PEX39: variants seen among roughly 807,000 people sequenced by gnomAD.
PEX39 encodes the protein peroxin-39.
At chr6:42,890,777 G>A in the PEX39 span, 2 of 1,589,730 alleles carry the variant, frequency 1.3e-6, no homozygotes, top group Non-Finnish European at 1.7e-6. Context: ...GGGGACTGCG[G>A]GGACGCTCCA....
chr6:42,890,798 C>G, the PEX39 span: 1 of 1,559,118 alleles, frequency 6.4e-7, no homozygotes. Flanking sequence ...TGTCGGGTCG[C>G]GAATCCTGAC....
chr6:42,890,407 A>C, the PEX39 span: 1 of 1,399,788 alleles, frequency 7.1e-7, no homozygotes, highest in East Asian at 2.5e-5. Flanking sequence ...CGAAAGCATA[A>C]AAGATGAGTA....
the PEX39 span, chr6:42,890,385 G>T: frequency 8.3e-7 from 1 of 1,209,698 alleles, no homozygotes; most frequent in Non-Finnish European, 1.1e-6. Context: ...GTCTAGTTGA[G>T]ACAGGTCAGG....
the PEX39 span, chr6:42,890,599 C>T: frequency 4.3e-6 from 7 of 1,611,758 alleles, no homozygotes; most frequent in Middle Eastern, 6.6e-4. Context: ...GCCAAAGCCG[C>T]GGCCTCCCAG....
At chr6:42,890,636 C>T in the PEX39 span, 47 of 1,612,720 alleles carry the variant, frequency 2.9e-5, no homozygotes, top group Non-Finnish European at 3.8e-5. Context: ...GCAGCCGGGA[C>T]GCTGTGGGTT....
At chr6:42,890,792 G>A in the PEX39 span, 2 of 1,565,488 alleles carry the variant, frequency 1.3e-6, no homozygotes, top group South Asian at 1.2e-5. Flanking sequence ...GCTCCATGTC[G>A]GGTCGCGAAT....
the PEX39 span, chr6:42,890,734 C>T: frequency 6.2e-7 from 1 of 1,609,222 alleles, no homozygotes; most frequent in Non-Finnish European, 8.5e-7. Flanking sequence ...GCCAGGGTAA[C>T]CGAAGCTGAG....
At chr6:42,890,542 C>T in the PEX39 span, 1 of 1,585,598 alleles carries the variant, frequency 6.3e-7, no homozygotes, top group African/African-American at 1.3e-5. Context: ...AAGCCAGGCT[C>T]CGCCGGGGCC....
At chr6:42,890,691 TC>T in the PEX39 span, 5 of 1,612,550 alleles carry the variant, frequency 3.1e-6, no homozygotes, top group Non-Finnish European at 4.2e-6. Context: ...GCCCGGGAGT[TC>T]CTGGCCCTGC....
At chr6:42,890,270 T>C in the PEX39 span, 1 of 411,802 alleles carries the variant, frequency 2.4e-6, no homozygotes, top group African/African-American at 2.0e-5. Flanking sequence ...CCAAGTTACA[T>C]CATAAAACAT....
the PEX39 span, chr6:42,890,416 T>G: frequency 7.0e-7 from 1 of 1,428,954 alleles, no homozygotes; most frequent in Non-Finnish European, 9.3e-7. Context: ...AAAAGATGAG[T>G]AACTGAATGG....
At chr6:42,890,402 G>A in the PEX39 span, 3 of 1,361,684 alleles carry the variant, frequency 2.2e-6, no homozygotes, top group Non-Finnish European at 2.9e-6. Context: ...CAGGACGAAA[G>A]CATAAAAGAT....
the PEX39 span, chr6:42,890,616 G>A: frequency 1.2e-6 from 2 of 1,612,480 alleles, no homozygotes; most frequent in East Asian, 2.2e-5. Flanking sequence ...CCAGGGCTTG[G>A]GCCTCCGCGG....
the PEX39 span, chr6:42,890,323 A>G: frequency 1.8e-6 from 1 of 565,658 alleles, no homozygotes; most frequent in Non-Finnish European, 2.9e-6. Flanking sequence ...TCTTAACTGT[A>G]ACATGGTCCA....
chr6:42,890,759 CGAGCATTGG>C, the PEX39 span: 1 of 1,602,970 alleles, frequency 6.2e-7, no homozygotes, highest in South Asian at 1.1e-5. Flanking sequence ...AGGCCGGGGC[CGAGCATTGG>C]GGACTGCGGG....
chr6:42,890,773 T>A, the PEX39 span: 1 of 1,591,406 alleles, frequency 6.3e-7, no homozygotes, highest in Non-Finnish European at 8.6e-7. Context: ...CATTGGGGAC[T>A]GCGGGGACGC....
the PEX39 span, chr6:42,890,785 C>A: frequency 6.4e-7 from 1 of 1,572,300 alleles, no homozygotes; most frequent in Non-Finnish European, 8.6e-7. Context: ...CGGGGACGCT[C>A]CATGTCGGGT....
At chr6:42,890,319 C>T in the PEX39 span, 31 of 543,778 alleles carry the variant, frequency 5.7e-5, no homozygotes, top group Non-Finnish European at 7.3e-5. Flanking sequence ...TTTTTCTTAA[C>T]TGTAACATGG....
chr6:42,890,780 A>T, the PEX39 span: 12 of 1,587,144 alleles, frequency 7.6e-6, no homozygotes, highest in African/African-American at 1.3e-5. Context: ...GACTGCGGGG[A>T]CGCTCCATGT....
Sources: gnomAD v4.1 joint callset for allele counts on GRCh38, gnomAD v4.1.1 for gene constraint, MANE v1.5 for transcripts, NCBI Gene and HGNC (gene_info 2026-07-23, HGNC 2026-07-21) for gene names.